The following SLC24A2 variants were observed in gnomAD, a reference collection of about 807,000 sequenced individuals.
SLC24A2 encodes sodium/potassium/calcium exchanger 2.
In SLC24A2, 36 loss-of-function variants were observed where a neutral mutation model predicts 62.0. That is an observed-to-expected ratio of 0.58 (90% CI 0.44 to 0.77). The LOEUF is 0.77. SLC24A2 is among the 30% of genes least tolerant of loss of function. The pLI is 0.00. For missense variants in SLC24A2, 846 were observed against 817.9 expected (o/e 1.03, Z -0.42); for synonymous variants, 358 against 294.0 (o/e 1.22, Z -2.23).
intron 2 of SLC24A2, among the ~76,000 whole-genome samples, chr9:19,756,942 ACT>A (rs1308282164): frequency 9.5e-6 from 1 of 105,012 alleles, no homozygotes; most frequent in African/African-American, 3.6e-5. Flanking sequence ...CAATGGTCTG[ACT>A]CTGTTGCCCA....
chr9:20,242,561 T>C, the SLC24A2 span, among the ~76,000 whole-genome samples: 1 of 152,144 alleles, frequency 6.6e-6, no homozygotes, highest in African/African-American at 2.4e-5. Flanking sequence ...AGGCTGTGAG[T>C]GCAGGGAAGG....
At chr9:20,189,653 G>A in the SLC24A2 span, among the ~76,000 whole-genome samples, 1 of 152,120 alleles carries the variant, frequency 6.6e-6, no homozygotes, top group Admixed American at 6.6e-5. Context: ...ATTTCACATG[G>A]CATGAGCCTC....
intron 2 of SLC24A2, among the ~76,000 whole-genome samples, chr9:19,722,514 C>T (rs1420546782): frequency 1.3e-5 from 2 of 151,684 alleles, no homozygotes; most frequent in Non-Finnish European, 2.9e-5. Context: ...GATGGTATAC[C>T]TAAAAAGTGC....
chr9:19,845,244 G>T, the SLC24A2 span, among the ~76,000 whole-genome samples: 1 of 152,018 alleles, frequency 6.6e-6, no homozygotes, highest in Non-Finnish European at 1.5e-5. Flanking sequence ...TTGGATAGAT[G>T]CATTCCTAGG....
the SLC24A2 span, among the ~76,000 whole-genome samples, chr9:20,197,604 G>T: frequency 6.6e-6 from 1 of 151,732 alleles, no homozygotes; most frequent in Non-Finnish European, 1.5e-5. Flanking sequence ...GCTAATTTTT[G>T]TATTTTTTAG....
the SLC24A2 span, among the ~76,000 whole-genome samples, chr9:19,865,518 C>A: frequency 2.6e-5 from 4 of 152,072 alleles, no homozygotes; most frequent in African/African-American, 9.7e-5. Context: ...CACAATGGAA[C>A]AGAAGAGAGA....
At chr9:19,986,451 G>A in the SLC24A2 span, among the ~76,000 whole-genome samples, 1 of 152,054 alleles carries the variant, frequency 6.6e-6, no homozygotes, top group African/African-American at 2.4e-5. Flanking sequence ...AATCCTAAAA[G>A]AACTGCAAGC....
chr9:20,245,460 G>C, the SLC24A2 span, among the ~76,000 whole-genome samples: 578 of 152,326 alleles, frequency 3.8e-3, 3 homozygotes, highest in African/African-American at 0.013. Flanking sequence ...AGTATGGGTA[G>C]AGCATGGCGA....
the SLC24A2 span, among the ~76,000 whole-genome samples, chr9:19,900,526 T>C: frequency 6.6e-6 from 1 of 152,186 alleles, no homozygotes; most frequent in South Asian, 2.1e-4. Context: ...ACTAAAACCA[T>C]CAGGCCTTGG....
the SLC24A2 span, among the ~76,000 whole-genome samples, chr9:20,019,151 A>G: frequency 0.56 from 55,485 of 98,216 alleles, 14,274 homozygotes; most frequent in Admixed American, 0.7. Flanking sequence ...GAAAGAAAGA[A>G]AGAAAGAGAG....
chr9:20,006,487 C>A, the SLC24A2 span, among the ~76,000 whole-genome samples: 153 of 151,614 alleles, frequency 1.0e-3, 1 homozygote, highest in African/African-American at 3.3e-3. Flanking sequence ...GTTTGTAACA[C>A]AAAAAAGGAT....
At chr9:19,941,462 A>C in the SLC24A2 span, among the ~76,000 whole-genome samples, 29 of 152,196 alleles carry the variant, frequency 1.9e-4, no homozygotes, top group African/African-American at 7.0e-4. Context: ...ATATAAAAAC[A>C]TCACATATTC....
At chr9:19,893,013 A>C in the SLC24A2 span, among the ~76,000 whole-genome samples, 1 of 152,200 alleles carries the variant, frequency 6.6e-6, no homozygotes, top group South Asian at 2.1e-4. Flanking sequence ...TGTAGCCCCT[A>C]TCTAGAGAAA....
the SLC24A2 span, among the ~76,000 whole-genome samples, chr9:20,282,322 TTC>T: frequency 1.4e-4 from 21 of 152,152 alleles, no homozygotes; most frequent in Non-Finnish European, 1.3e-4. Flanking sequence ...TAAACTCTTT[TTC>T]ATTGATCTCT....
At chr9:19,646,288 C>T (rs185564470) in intron 2 of SLC24A2, among the ~76,000 whole-genome samples, 3 of 152,280 alleles carry the variant, frequency 2.0e-5, no homozygotes, top group Non-Finnish European at 4.4e-5. Context: ...AGACTCCCCT[C>T]GAAGAAAATC....
At chr9:20,025,719 A>G in the SLC24A2 span, among the ~76,000 whole-genome samples, 1 of 152,138 alleles carries the variant, frequency 6.6e-6, no homozygotes, top group African/African-American at 2.4e-5. Flanking sequence ...AGTGACCTGG[A>G]ATTTGAATTC....
chr9:20,098,620 C>G, the SLC24A2 span, among the ~76,000 whole-genome samples: 4 of 152,188 alleles, frequency 2.6e-5, no homozygotes, highest in Non-Finnish European at 5.9e-5. Flanking sequence ...AAGATACTAA[C>G]TGGCCACTTC....
chr9:19,678,071 T>C (rs1240487258), intron 2 of SLC24A2, among the ~76,000 whole-genome samples: 2 of 152,302 alleles, frequency 1.3e-5, no homozygotes, highest in East Asian at 3.9e-4. Flanking sequence ...AGCAGATGAC[T>C]CAACCCCTTT....
the SLC24A2 span, among the ~76,000 whole-genome samples, chr9:19,906,745 C>A: frequency 6.6e-6 from 1 of 151,676 alleles, no homozygotes; most frequent in Non-Finnish European, 1.5e-5. Context: ...GGATAAATCC[C>A]TCGACATATA....
Sources: gnomAD v4.1 joint callset for allele counts (sites outside exome capture counted in the v4.1 genomes callset) on GRCh38, gnomAD v4.1.1 for gene constraint, MANE v1.5 for transcripts, NCBI Gene and HGNC (gene_info 2026-07-23, HGNC 2026-07-21) for gene names.